Variants in RNF220 observed in about 807,000 individuals in gnomAD.
RNF220 encodes the protein E3 ubiquitin-protein ligase RNF220.
In RNF220, 7 loss-of-function variants were observed where a neutral mutation model predicts 67.1. The ratio of observed to expected loss-of-function variants is 0.10; its 90% CI spans 0.06 to 0.20. The LOEUF (loss-of-function observed/expected upper bound fraction) is 0.20, where lower values mean the gene tolerates loss of function less well. Ranked by LOEUF, RNF220 falls within the 10% of genes least tolerant of loss-of-function variation. The pLI, the probability that RNF220 is intolerant of heterozygous loss-of-function variation, is 1.00. For synonymous variants in RNF220, 270 were observed against 283.2 expected, an observed-to-expected ratio of 0.95 and a Z score of 0.47; for missense variants, 565 against 740.3, an observed-to-expected ratio of 0.76 and a Z score of 2.75.
At chr1:44,598,427 C>T (rs1666687582) in intron 2 of RNF220, among the ~76,000 whole-genome samples, 1 of 152,170 alleles carries the variant, frequency 6.6e-6, no homozygotes, top group Non-Finnish European at 1.5e-5. Context: ...GTGAATTCTC[C>T]ACGACACTAA....
intron 8 of RNF220, among the ~76,000 whole-genome samples, chr1:44,640,847 G>A (rs918268440): frequency 1.3e-5 from 2 of 152,152 alleles, no homozygotes; most frequent in Non-Finnish European, 2.9e-5. Context: ...CCTGCCCTCC[G>A]TGTTGGAGAG....
chr1:44,430,275 C>T (rs942937351), intron 2 of RNF220, among the ~76,000 whole-genome samples: 5 of 151,826 alleles, frequency 3.3e-5, no homozygotes, highest in African/African-American at 4.8e-5. Flanking sequence ...TGTATTATTT[C>T]TATAATTAAA....
chr1:44,574,643 G>C (rs897048545), intron 2 of RNF220, among the ~76,000 whole-genome samples: 1 of 152,192 alleles, frequency 6.6e-6, no homozygotes, highest in African/African-American at 2.4e-5. Flanking sequence ...AGGTCAGCCT[G>C]CCCCTGCACT....
At chr1:44,521,036 C>T (rs962822694) in intron 2 of RNF220, among the ~76,000 whole-genome samples, 9 of 152,198 alleles carry the variant, frequency 5.9e-5, no homozygotes, top group African/African-American at 2.2e-4. Flanking sequence ...ACTAGGACTA[C>T]AGGTGTGCAC....
At chr1:44,580,858 A>T (rs577248772) in intron 2 of RNF220, among the ~76,000 whole-genome samples, 1 of 152,212 alleles carries the variant, frequency 6.6e-6, no homozygotes, top group African/African-American at 2.4e-5. Flanking sequence ...TCTCCAGGAG[A>T]CTGAGGAGTG....
At chr1:44,569,666 C>G (rs1012319985) in intron 2 of RNF220, among the ~76,000 whole-genome samples, 1 of 152,034 alleles carries the variant, frequency 6.6e-6, no homozygotes, top group Non-Finnish European at 1.5e-5. Flanking sequence ...TCAGACCCCA[C>G]CCTGGCAGAG....
At chr1:44,413,019 G>A (rs1260376484) in intron 2 of RNF220, among the ~76,000 whole-genome samples, 1 of 152,202 alleles carries the variant, frequency 6.6e-6, no homozygotes, top group Non-Finnish European at 1.5e-5. Context: ...CCGACGTACT[G>A]AAGTGAATGT....
At chr1:44,534,445 G>A (rs536595274) in intron 2 of RNF220, among the ~76,000 whole-genome samples, 1 of 152,008 alleles carries the variant, frequency 6.6e-6, no homozygotes, top group African/African-American at 2.4e-5. Context: ...TTTAGCATTA[G>A]GTATATCTCC....
At chr1:44,547,433 G>A (rs1012045177) in intron 2 of RNF220, among the ~76,000 whole-genome samples, 11 of 151,894 alleles carry the variant, frequency 7.2e-5, no homozygotes, top group African/African-American at 2.4e-4. Flanking sequence ...ACATCTCTTC[G>A]CCTAACCCTG....
intron 2 of RNF220, among the ~76,000 whole-genome samples, chr1:44,602,494 T>C (rs1446625211): frequency 1.3e-5 from 2 of 151,966 alleles, no homozygotes; most frequent in African/African-American, 4.8e-5. Flanking sequence ...ATTGGCATGG[T>C]CCTCTGTCCC....
intron 2 of RNF220, among the ~76,000 whole-genome samples, chr1:44,460,174 T>C (rs1236996140): frequency 6.6e-6 from 1 of 152,184 alleles, no homozygotes; most frequent in Non-Finnish European, 1.5e-5. Flanking sequence ...CTCTTTCAGG[T>C]CATTGGTTGA....
Position 44,645,609 on chromosome 1 carries a change from G to T in RNF220, c.1445+121G>T. 1.0e-6 allele frequency: 1 copy of T among 969,224 alleles called. No individual in the cohort carries two copies. Among genetic ancestry groups the T allele is most frequent in the South Asian group, 1.5e-5 (1 of 67,652 alleles). The allele number at this position is 969,224 out of a possible 1,614,324, so 60.0% of individuals were successfully genotyped here. On this transcript the variant is annotated intron_variant, in intron 12 of 14. Coordinates refer to ENST00000361799, the MANE Select transcript of RNF220 (RefSeq NM_018150.4). The surrounding 1 kb of genome is among the most constrained non-coding windows in gnomAD (Gnocchi z 5.0). ...CTCCCAAGTGCAGCTCAGTGCTGCT[G>T]CCCTGGGCACACGGCCGGCAGTGGA...
rs138587402 is a variant in RNF220 at position 44,411,540 on chromosome 1, G to A, written c.-117-441G>A. ...TTGTTAGGGGAGATGAAGAGAGGAT[G>A]CATATGTGGGGAATCGTATAGGTAG... On this transcript the variant is annotated intron_variant, in intron 1 of 14. Transcript: ENST00000361799. Among the ~76,000 whole-genome samples, 717 of 152,236 alleles carry A rather than the reference G, an allele frequency of 4.7e-3. 7 individuals are homozygous for A. The highest frequency in any genetic ancestry group is 0.016 in the African/African-American group (671 of 41,516).
At chr1:44,535,409 G>A (rs561380936) in intron 2 of RNF220, among the ~76,000 whole-genome samples, 7 of 151,926 alleles carry the variant, frequency 4.6e-5, no homozygotes, top group African/African-American at 7.3e-5. Context: ...AAAGTGCTGC[G>A]ATTACAGGCA....
intron 2 of RNF220, among the ~76,000 whole-genome samples, chr1:44,542,831 G>A (rs1047189403): frequency 6.6e-6 from 1 of 152,224 alleles, no homozygotes; most frequent in Non-Finnish European, 1.5e-5. Flanking sequence ...ACCAAAGAAG[G>A]CTGGAGAGGG....
chr1:44,412,007 A>C lies in RNF220; in HGVS notation c.-91A>C. On this transcript the variant is annotated 5_prime_UTR_variant, in exon 2 of 15. An upstream open reading frame in the 5' UTR loses its in-frame stop. Transcript: ENST00000361799. The surrounding 1 kb of genome is among the most constrained non-coding windows in gnomAD (Gnocchi z 5.3). ...TCTTAGGAGGGAATGATTCCCCAGT[A>C]ATATTCCCTGCCCTGACCCAAAGTG... is the stretch of plus-strand genomic sequence containing the variant. 1 of 1,410,422 alleles carries C rather than the reference A, an allele frequency of 7.1e-7. No homozygotes were observed. The highest frequency in any genetic ancestry group is 9.7e-7 in the Non-Finnish European group (1 of 1,036,116). 87.4% of individuals were successfully genotyped at this position (1,410,422 alleles called of 1,614,324 possible).
chr1:44,490,034 T>C (rs1656710458), intron 2 of RNF220, among the ~76,000 whole-genome samples: 1 of 152,258 alleles, frequency 6.6e-6, no homozygotes, highest in Non-Finnish European at 1.5e-5. Context: ...TGTTCTTTTT[T>C]GTTTTACACA....
intron 2 of RNF220, among the ~76,000 whole-genome samples, chr1:44,415,999 T>G (rs1476783061): frequency 1.3e-5 from 2 of 150,086 alleles, no homozygotes; most frequent in African/African-American, 4.8e-5. Flanking sequence ...GACAGAAATA[T>G]AGCGATTTGG....
intron 2 of RNF220, among the ~76,000 whole-genome samples, chr1:44,485,971 A>C (rs906224695): frequency 6.6e-6 from 1 of 152,230 alleles, no homozygotes; most frequent in South Asian, 2.1e-4. Flanking sequence ...AAGAAAATCT[A>C]TTGCCCCTCT....
Sources: allele counts gnomAD v4.1 joint callset (sites outside exome capture counted in the v4.1 genomes callset), GRCh38; gene constraint gnomAD v4.1.1; non-coding constraint Gnocchi (gnomAD v3.1); transcripts MANE v1.5; gene names NCBI Gene and HGNC (gene_info 2026-07-23, HGNC 2026-07-21).